Variants in MAN2A1 observed in about 807,000 individuals in gnomAD.
MAN2A1 encodes the protein alpha-mannosidase 2.
In MAN2A1, 76 loss-of-function variants were observed where a neutral mutation model predicts 142.6. That is an observed-to-expected ratio of 0.53 (90% CI 0.44 to 0.65). The LOEUF is 0.65. Among genes scored for constraint, MAN2A1 ranks in the 30% least tolerant of loss-of-function variants. The pLI is 0.00. For synonymous variants in MAN2A1, 559 were observed against 473.2 expected (o/e 1.18, Z -2.35); for missense variants, 1,311 against 1,365.1 (o/e 0.96, Z 0.62).
chr5:109,843,179 G>T (rs1445445121), intron 17 of MAN2A1, among the ~76,000 whole-genome samples: 4 of 152,144 alleles, frequency 2.6e-5, no homozygotes, highest in Non-Finnish European at 4.4e-5. Flanking sequence ...AAGGAAAGAG[G>T]TTTAATTGAC....
At chr5:109,731,687 G>A (rs1331902194) in intron 4 of MAN2A1, among the ~76,000 whole-genome samples, 1 of 151,726 alleles carries the variant, frequency 6.6e-6, no homozygotes, top group Non-Finnish European at 1.5e-5. Flanking sequence ...CAAAGGACAT[G>A]AACTCATCCT....
At chr5:109,854,811 T>TCC (rs1755565382) in intron 19 of MAN2A1, 1 of 188,788 alleles carries the variant, frequency 5.3e-6, no homozygotes. Context: ...ATCCTTGTAC[T>TCC]TTGAGAGTTT....
At chr5:109,837,074 T>G (rs1755075356) in intron 16 of MAN2A1, among the ~76,000 whole-genome samples, 1 of 148,256 alleles carries the variant, frequency 6.7e-6, no homozygotes, top group Non-Finnish European at 1.5e-5. Flanking sequence ...TTGAAGGGCA[T>G]CTAGTATGTC....
At position 109,819,671 on chromosome 5, in the gene MAN2A1, C is replaced by T. The variant is rs1051625377; in HGVS notation, c.2112C>T (p.Ile704=). ...ANTISETAYE[I]SFRAHIPPLG... ...ATTCCCTTCCCTATCTTTTAAAGATCTCTTTTCGAGCACATATACCGCCAT... is the reference window on the plus strand; with the variant it reads ...ATTCCCTTCCCTATCTTTTAAAGATTTCTTTTCGAGCACATATACCGCCAT... The change falls in exon 14 of 22, where the codon ATC becomes ATT. Residue 704 remains isoleucine, a splice_region_variant and synonymous_variant. Coordinates refer to ENST00000261483, the MANE Select transcript of MAN2A1 (RefSeq NM_002372.4). 1.1e-5 allele frequency: 17 copies of T among 1,549,488 alleles called. No individual in the cohort carries two copies. Among genetic ancestry groups the T allele is most frequent in the Non-Finnish European group, 1.5e-5 (17 of 1,148,152 alleles).
intron 12 of MAN2A1, among the ~76,000 whole-genome samples, chr5:109,807,249 G>T (rs1004927066): frequency 2.6e-5 from 4 of 152,030 alleles, no homozygotes; most frequent in Admixed American, 6.6e-5. Flanking sequence ...CTGTTTTCCA[G>T]GACTCAGGAT....
chr5:109,752,657 G>A (rs1195864148), intron 4 of MAN2A1, among the ~76,000 whole-genome samples: 1 of 152,186 alleles, frequency 6.6e-6, no homozygotes, highest in East Asian at 1.9e-4. Flanking sequence ...TCTGAGCTGA[G>A]CTATGAGGGC....
At chr5:109,690,962 G>C (rs3756599) in intron 1 of MAN2A1, among the ~76,000 whole-genome samples, 54,367 of 151,986 alleles carry the variant, frequency 0.36, 9,988 homozygotes, top group East Asian at 0.68. Flanking sequence ...CCAGCCCAGA[G>C]CCCCTGAGCG....
At chr5:109,713,822 T>A in intron 2 of MAN2A1, 48 bp downstream of exon 2, 1 of 1,531,928 alleles carries the variant, frequency 6.5e-7, no homozygotes, top group Non-Finnish European at 8.9e-7. Context: ...TTTTTTTTGT[T>A]CTTTTTAAGA....
At position 109,757,558 on chromosome 5, in the gene MAN2A1, G is replaced by A. The variant is rs1305166060; in HGVS notation, c.835+2102G>A. On this transcript the variant is annotated intron_variant, in intron 5 of 21. Transcript: ENST00000261483. Reference sequence around the variant, plus strand: ...TTGGGTCTTGTGTCTTTTGCCCAGTGTAATTTTTTCTTACAACTTTATTGA... The same window carrying A: ...TTGGGTCTTGTGTCTTTTGCCCAGTATAATTTTTTCTTACAACTTTATTGA... Among the ~76,000 whole-genome samples the A allele has an allele frequency of 3.9e-5, 6 of 152,252 alleles. 1 individual carries two copies. The East Asian group carries it at 1.2e-3, about 29-fold the overall frequency.
intron 16 of MAN2A1, among the ~76,000 whole-genome samples, chr5:109,839,921 C>G (rs548300970): frequency 6.3e-4 from 95 of 151,616 alleles, no homozygotes; most frequent in African/African-American, 2.2e-3. Context: ...CCTACACTAA[C>G]AGCATTTACA....
intron 6 of MAN2A1, among the ~76,000 whole-genome samples, chr5:109,768,838 T>C (rs368290504): frequency 4.7e-4 from 71 of 152,164 alleles, no homozygotes; most frequent in African/African-American, 1.7e-3. Context: ...GCATATTAAT[T>C]TGAAAAACAA....
intron 16 of MAN2A1, among the ~76,000 whole-genome samples, chr5:109,828,854 T>C (rs1358285246): frequency 6.6e-6 from 1 of 152,212 alleles, no homozygotes; most frequent in Non-Finnish European, 1.5e-5. Flanking sequence ...TTCCTTTGAC[T>C]GAAATGACTG....
Position 109,866,947 on chromosome 5 carries a change from G to C in MAN2A1, c.3384G>C (p.Glu1128Asp), listed in dbSNP as rs758172749. The C allele has an allele frequency of 1.7e-5, 28 of 1,612,120 alleles. No individual in the cohort carries two copies. Among genetic ancestry groups the C allele is most frequent in the Non-Finnish European group, 2.3e-5 (27 of 1,179,056 alleles). Reference protein sequence around the residue: ...HSPPGTQNISEINLSPMEIST... With the variant: ...HSPPGTQNISDINLSPMEIST... ...CTCCCGGCACTCAGAATATAAGTGAGATCAACTTGAGTCCAATGGAAATCA... is the reference window on the plus strand; with the variant it reads ...CTCCCGGCACTCAGAATATAAGTGACATCAACTTGAGTCCAATGGAAATCA... Residue 1128 changes from glutamate (E) to aspartate (D), a missense_variant, in exon 22 of 22, where the codon GAG becomes GAC. Physicochemically the swap from Glu to Asp is conservative, Grantham distance 45. Around this residue, in one of 3 missense-constraint regions of MAN2A1, gnomAD observed 890 missense variants for 920.5 expected, o/e 0.97. Coordinates refer to ENST00000261483, the MANE Select transcript of MAN2A1 (RefSeq NM_002372.4).
At chr5:109,717,248 T>A (rs1331595959) in intron 3 of MAN2A1, among the ~76,000 whole-genome samples, 1 of 152,166 alleles carries the variant, frequency 6.6e-6, no homozygotes, top group East Asian at 1.9e-4. Context: ...TTTTTCCCCA[T>A]TAGTTTATTG....
chr5:109,777,360 A>G (rs191318583), intron 8 of MAN2A1, among the ~76,000 whole-genome samples: 10 of 152,062 alleles, frequency 6.6e-5, no homozygotes, highest in Non-Finnish European at 1.2e-4. Flanking sequence ...CCATTTGAGT[A>G]TCCTCTTTTG....
chr5:109,766,926 A>G (rs1033379989), intron 5 of MAN2A1, among the ~76,000 whole-genome samples: 2 of 152,172 alleles, frequency 1.3e-5, no homozygotes, highest in African/African-American at 4.8e-5. Context: ...TGAGCCAGCT[A>G]TGAGAAATCA....
intron 2 of MAN2A1, among the ~76,000 whole-genome samples, chr5:109,714,492 T>G (rs985625698): frequency 1.3e-5 from 2 of 152,180 alleles, no homozygotes; most frequent in African/African-American, 4.8e-5. Flanking sequence ...GTATTATATT[T>G]CTCTTGGACA....
chr5:109,778,128 A>C (rs1203367749), intron 8 of MAN2A1, among the ~76,000 whole-genome samples: 1 of 151,904 alleles, frequency 6.6e-6, no homozygotes, highest in Non-Finnish European at 1.5e-5. Context: ...ATTGCATTGA[A>C]TCTTTGGTTT....
chr5:109,722,526 T>C (rs1222956481), intron 3 of MAN2A1, among the ~76,000 whole-genome samples: 3 of 152,188 alleles, frequency 2.0e-5, no homozygotes, highest in Non-Finnish European at 4.4e-5. Flanking sequence ...GCAATTCTCC[T>C]GCCTCAGCCA....
Sources: gnomAD v4.1 joint callset for allele counts (sites outside exome capture counted in the v4.1 genomes callset) on GRCh38, gnomAD v4.1.1 for gene constraint, gnomAD v4.1.1 regional missense constraint, MANE v1.5 for transcripts, NCBI Gene and HGNC (gene_info 2026-07-23, HGNC 2026-07-21) for gene names.